Variants in RTTN observed in about 807,000 individuals in gnomAD.
RTTN encodes the protein rotatin.
Under a neutral mutation model 269.2 loss-of-function variants are expected in RTTN, and 182 were observed. The observed-to-expected ratio is 0.68, with a 90% CI of 0.60 to 0.76. RTTN has a LOEUF of 0.76. Ranked by LOEUF, RTTN falls within the 30% of genes least tolerant of loss-of-function variation. The pLI, the probability that RTTN is intolerant of heterozygous loss-of-function variation, is 0.00. For missense variants in RTTN, 2,545 were observed against 2,608.6 expected (o/e 0.98, Z 0.53); for synonymous variants, 1,006 against 963.5 (o/e 1.04, Z -0.82).
intron 43 of RTTN, 90 bp from the exon 44 acceptor site, chr18:70,024,938 A>G (rs2056811495): frequency 2.1e-6 from 3 of 1,434,634 alleles, no homozygotes; most frequent in Non-Finnish European, 1.9e-6. Context: ...CCATCAACAT[A>G]AGACCCAAGG....
chr18:70,036,345 C>G (rs1447520304), intron 40 of RTTN, among the ~76,000 whole-genome samples: 2 of 152,130 alleles, frequency 1.3e-5, no homozygotes, highest in Non-Finnish European at 2.9e-5. Flanking sequence ...ACATATACAC[C>G]ATGGAATACT....
chr18:70,042,914 A>G (rs964331953), intron 40 of RTTN, among the ~76,000 whole-genome samples: 1 of 152,246 alleles, frequency 6.6e-6, no homozygotes, highest in Non-Finnish European at 1.5e-5. Flanking sequence ...CCAGGAGAGA[A>G]GGCCACAGGA....
chr18:70,011,728 C>A (rs757441736), intron 46 of RTTN, among the ~76,000 whole-genome samples: 8 of 151,328 alleles, frequency 5.3e-5, no homozygotes, highest in African/African-American at 1.2e-4. Flanking sequence ...AGTATTGGAA[C>A]TTCTGGCCAG....
intron 40 of RTTN, among the ~76,000 whole-genome samples, chr18:70,033,280 C>T (rs1355324406): frequency 1.3e-5 from 2 of 152,198 alleles, no homozygotes; most frequent in African/African-American, 2.4e-5. Flanking sequence ...CCTGTGGAAC[C>T]ATGAGCCAAT....
rs575651663 is a variant in RTTN at position 70,035,896 on chromosome 18, C to A, written c.5542-4915G>T. On this transcript the variant is annotated intron_variant, in intron 40 of 48. Coordinates refer to ENST00000640769, the MANE Select transcript of RTTN (RefSeq NM_173630.4). ...CCCATTAAGAAGTGGGCAAAGGACA[C>A]AAACAGACACTTCTCAAAAGAAGAC... 3.9e-5 allele frequency among the ~76,000 whole-genome samples: 6 copies of A among 152,120 alleles called. No individual in the cohort carries two copies. The South Asian group carries it at 1.2e-3, about 32-fold the overall frequency.
intron 27 of RTTN, among the ~76,000 whole-genome samples, chr18:70,112,329 C>T (rs527842463): frequency 6.6e-6 from 1 of 152,028 alleles, no homozygotes; most frequent in East Asian, 1.9e-4. Context: ...TGTAAACGGG[C>T]TAAATGCCAC....
intron 3 of RTTN, among the ~76,000 whole-genome samples, chr18:70,203,404 C>T (rs945170524): frequency 3.3e-5 from 5 of 152,254 alleles, no homozygotes; most frequent in Admixed American, 2.0e-4. Context: ...GACGGGGCAC[C>T]ATGTTGGTCA....
At chr18:70,031,615 A>G (rs977958486) in intron 40 of RTTN, among the ~76,000 whole-genome samples, 8 of 152,008 alleles carry the variant, frequency 5.3e-5, no homozygotes, top group African/African-American at 1.9e-4. Flanking sequence ...TCACTTAAAA[A>G]TTTCTAATAT....
chr18:70,054,257 A>C lies in RTTN; in HGVS notation c.5059T>G (p.Ser1687Ala), dbSNP rs776447855. The change falls in exon 38 of 49, where the codon TCT (serine) becomes GCT (alanine). Residue 1687 changes from serine (S) to alanine (A), a missense_variant. Ser to Ala is a moderately conservative substitution (Grantham distance 99). Coordinates refer to ENST00000640769, the MANE Select transcript of RTTN (RefSeq NM_173630.4). ...QVSFLLEYLS[S>A]LSRLLQSCLL... ...CATGACTGCAGAAGCCTGGACAAAG[A>C]GGATAGGTATTCCAGGAGAAAGGAA... is the stretch of plus-strand genomic sequence containing the variant. The C allele has an allele frequency of 6.2e-7, 1 of 1,613,478 alleles. No homozygotes were observed. The highest frequency in any genetic ancestry group is 1.1e-5 in the South Asian group (1 of 90,942).
At chr18:70,058,918 TA>T in intron 36 of RTTN, among the ~76,000 whole-genome samples, 1 of 152,352 alleles carries the variant, frequency 6.6e-6, no homozygotes, top group Non-Finnish European at 1.5e-5. Flanking sequence ...TTAGAGTTTA[TA>T]TTTTCTAGAG....
At chr18:70,107,278 T>C (rs770128453) in intron 28 of RTTN, among the ~76,000 whole-genome samples, 1 of 152,212 alleles carries the variant, frequency 6.6e-6, no homozygotes. Flanking sequence ...CCTAATAGAC[T>C]GTGAAGTAAG....
Position 70,109,585 on chromosome 18 carries a change from G to GC in RTTN, c.3815_3816insG (p.Asn1272LysfsTer30), listed in dbSNP as rs776971624. 3.1e-6 allele frequency: 5 copies of GC among 1,614,050 alleles called. No individual in the cohort carries two copies. Among genetic ancestry groups the GC allele is most frequent in the Non-Finnish European group, 4.2e-6 (5 of 1,180,010 alleles). ...AGCTCCATCCCGGAAACGCAGTGAG[G>GC]TTAGCCATCCCTCGTAAGGTCCGCT... On this transcript the variant is annotated frameshift_variant, in exon 28 of 49. Coordinates refer to ENST00000640769, the MANE Select transcript of RTTN (RefSeq NM_173630.4). LOFTEE classifies it high-confidence loss of function.
intron 14 of RTTN, among the ~76,000 whole-genome samples, chr18:70,164,250 T>C (rs2060926973): frequency 6.8e-6 from 1 of 147,054 alleles, no homozygotes; most frequent in African/African-American, 2.5e-5. Flanking sequence ...ACTCACTCTG[T>C]TGCCTAGGCT....
chr18:70,182,380 G>A (rs13381630), intron 10 of RTTN, among the ~76,000 whole-genome samples: 2,476 of 151,966 alleles, frequency 0.016, 63 homozygotes, highest in African/African-American at 0.057. Context: ...AATATAGACC[G>A]ACTTACATCA....
intron 4 of RTTN, 25 bp from the exon 5 acceptor site, chr18:70,199,529 T>A: frequency 6.8e-7 from 1 of 1,463,190 alleles, no homozygotes; most frequent in South Asian, 1.1e-5. Context: ...GCAAATCTTA[T>A]GGTATCAAAG....
chr18:70,137,820 G>A (rs118032960), intron 21 of RTTN, among the ~76,000 whole-genome samples: 1 of 152,224 alleles, frequency 6.6e-6, no homozygotes, highest in East Asian at 1.9e-4. Flanking sequence ...GTGGTGTACT[G>A]TATATTTACT....
chr18:70,168,784 T>C (rs2145923572), intron 12 of RTTN, 71 bp downstream of exon 12: 1 of 1,170,512 alleles, frequency 8.5e-7, no homozygotes, highest in South Asian at 1.5e-5. Flanking sequence ...GTCCATCAAT[T>C]TGAAAAGTAT....
intron 38 of RTTN, among the ~76,000 whole-genome samples, chr18:70,052,112 G>A (rs80145737): frequency 0.019 from 2,967 of 152,322 alleles, 98 homozygotes; most frequent in African/African-American, 0.066. Flanking sequence ...ATTCTAGGAT[G>A]AGGACCCATT....
chr18:70,185,801 C>G (rs543718279), intron 10 of RTTN, among the ~76,000 whole-genome samples: 60 of 151,938 alleles, frequency 3.9e-4, no homozygotes, highest in Non-Finnish European at 4.6e-4. Flanking sequence ...AAAAAACTAC[C>G]AGAACTAGTA....
Sources: allele counts gnomAD v4.1 joint callset (sites outside exome capture counted in the v4.1 genomes callset), GRCh38; gene constraint gnomAD v4.1.1; transcripts MANE v1.5; gene names NCBI Gene and HGNC (gene_info 2026-07-23, HGNC 2026-07-21).